The following GALNT18 variants were observed in gnomAD, a reference collection of about 807,000 sequenced individuals.
GALNT18 encodes GalNAc-transferase 18.
GALNT18 carries 44 observed loss-of-function variants against 69.5 expected under a neutral mutation model. That is an observed-to-expected ratio of 0.63 (90% confidence interval 0.50 to 0.81). The LOEUF (loss-of-function observed/expected upper bound fraction) is 0.81. GALNT18 is among the 40% of genes least tolerant of loss of function. The pLI, the probability that GALNT18 is intolerant of heterozygous loss-of-function variation, is 0.00. For missense variants in GALNT18, 715 were observed against 810.0 expected (o/e 0.88, Z 1.42); for synonymous variants, 364 against 318.2 (o/e 1.14, Z -1.53).
rs1378563221 is a variant in GALNT18, at chr11:11,494,923, G to A, written c.236-45987C>T. On this transcript the variant is annotated intron_variant, in intron 1 of 10. Transcript: ENST00000227756. The surrounding 1 kb of genome is among the most constrained non-coding windows in gnomAD (Gnocchi z 5.7). ...CCAAAGGAAAATGCAATAACATGGA[G>A]TTATAAGCCAATCACATGCTCTGTG... 6.6e-6 allele frequency among the ~76,000 whole-genome samples: 1 copy of A among 152,012 alleles called. No homozygotes were observed. Among genetic ancestry groups the A allele is most frequent in the Non-Finnish European group, 1.5e-5 (1 of 68,028 alleles).
chr11:11,281,074 C>G (rs546715501), intron 10 of GALNT18, among the ~76,000 whole-genome samples: 4 of 152,184 alleles, frequency 2.6e-5, no homozygotes, highest in Non-Finnish European at 4.4e-5. Flanking sequence ...CTGGCCCCAC[C>G]GCAGTCCTGC....
At chr11:11,521,180 G>A (rs1469303096) in intron 1 of GALNT18, among the ~76,000 whole-genome samples, 2 of 151,906 alleles carry the variant, frequency 1.3e-5, no homozygotes, top group African/African-American at 4.8e-5. Flanking sequence ...GCCCCATAAT[G>A]AGCCCTGAAT....
chr11:11,509,528 GCAT>G (rs2133911051), intron 1 of GALNT18, among the ~76,000 whole-genome samples: 1 of 152,330 alleles, frequency 6.6e-6, no homozygotes, highest in African/African-American at 2.4e-5. Flanking sequence ...CCCAGGCCTA[GCAT>G]CATGTGCTAT....
chr11:11,400,485 T>C (rs1370842789), intron 3 of GALNT18, among the ~76,000 whole-genome samples: 4 of 152,300 alleles, frequency 2.6e-5, no homozygotes, highest in African/African-American at 9.6e-5. Context: ...CTAACGAAGG[T>C]GTCTTTCTTT....
At chr11:11,322,691 G>C (rs1170900425) in intron 9 of GALNT18, among the ~76,000 whole-genome samples, 1 of 152,196 alleles carries the variant, frequency 6.6e-6, no homozygotes, top group Non-Finnish European at 1.5e-5. Context: ...ATATAAAGCT[G>C]GGAGAAGTAA....
intron 4 of GALNT18, among the ~76,000 whole-genome samples, chr11:11,378,867 G>A (rs1261015993): frequency 6.6e-6 from 1 of 152,150 alleles, no homozygotes; most frequent in Admixed American, 6.5e-5. Flanking sequence ...GTGCTGACCT[G>A]TTGACCCCTG....
chr11:11,577,204 C>G (rs1333377118), intron 1 of GALNT18, among the ~76,000 whole-genome samples: 1 of 152,166 alleles, frequency 6.6e-6, no homozygotes, highest in Non-Finnish European at 1.5e-5. Context: ...TCCAGGGGCT[C>G]AGTAATGGTA....
rs558997672 is a variant in GALNT18 at position 11,541,024 on chromosome 11, AAG to A, written c.235+80333_235+80334del. Among the ~76,000 whole-genome samples the A allele has an allele frequency of 7.9e-4, 120 of 152,296 alleles. 1 individual carries two copies. Among genetic ancestry groups the A allele is most frequent in the African/African-American group, 2.8e-3 (117 of 41,560 alleles). On this transcript the variant is annotated intron_variant, in intron 1 of 10. Transcript: ENST00000227756. This position sits in a 1 kb window ranked among gnomAD's most constrained non-coding sequence, Gnocchi z 4.8. ...CGGAAAACAGAAATAGAATTACTTA[AAG>A]TGATGCTCCCTTGCTCCTGTTAAAA...
Position 11,372,455 on chromosome 11 carries a change from C to A in GALNT18, c.1092+60G>T. 3 of 1,318,942 alleles carry A rather than the reference C, an allele frequency of 2.3e-6. No homozygotes were observed. The highest frequency in any genetic ancestry group is 4.6e-5 in the East Asian group (2 of 43,374). The allele number at this position is 1,318,942 out of a possible 1,614,324, so 81.7% of individuals were successfully genotyped here. ...ACCTTAAACCCCATTTCTCCACCCC[C>A]AGACTCATTCACCCTGGTGGGAGCT... On this transcript the variant is annotated intron_variant, in intron 6 of 10. Coordinates refer to ENST00000227756, the MANE Select transcript of GALNT18 (RefSeq NM_198516.3). This position sits in a 1 kb window ranked among gnomAD's most constrained non-coding sequence, Gnocchi z 4.9.
At chr11:11,548,777 T>C (rs1216905611) in intron 1 of GALNT18, among the ~76,000 whole-genome samples, 1 of 152,248 alleles carries the variant, frequency 6.6e-6, no homozygotes, top group Non-Finnish European at 1.5e-5. Flanking sequence ...AGGCAGTACA[T>C]GTAAATTCAA....
intron 10 of GALNT18, among the ~76,000 whole-genome samples, chr11:11,290,546 C>G (rs533920921): frequency 6.6e-6 from 1 of 152,220 alleles, no homozygotes. Context: ...CCCTGACTCC[C>G]GGCAGCTCCC....
chr11:11,323,006 T>C (rs1246264484), intron 9 of GALNT18, among the ~76,000 whole-genome samples: 1 of 152,228 alleles, frequency 6.6e-6, no homozygotes, highest in Non-Finnish European at 1.5e-5. Flanking sequence ...ACCACCCTTA[T>C]GACCTGACTT....
chr11:11,495,307 A>G (rs909677485), intron 1 of GALNT18, among the ~76,000 whole-genome samples: 5 of 152,172 alleles, frequency 3.3e-5, no homozygotes, highest in Non-Finnish European at 5.9e-5. Flanking sequence ...TTCCGAAGGT[A>G]CTTCTCAGAG....
At chr11:11,567,743 G>T (rs1278484987) in intron 1 of GALNT18, among the ~76,000 whole-genome samples, 1 of 152,178 alleles carries the variant, frequency 6.6e-6, no homozygotes, top group Non-Finnish European at 1.5e-5. Context: ...GGGAATCAAG[G>T]ATCTGACTTT....
At chr11:11,442,084 G>A (rs1038118184) in intron 2 of GALNT18, among the ~76,000 whole-genome samples, 1 of 152,148 alleles carries the variant, frequency 6.6e-6, no homozygotes, top group Admixed American at 6.5e-5. Flanking sequence ...GGCTGGAATC[G>A]GGGTGTGCAG....
chr11:11,421,409 T>C lies in GALNT18; in HGVS notation c.595+11212A>G, dbSNP rs1242127717. 6.6e-6 allele frequency among the ~76,000 whole-genome samples: 1 copy of C among 151,942 alleles called. No individual in the cohort carries two copies. Among genetic ancestry groups the C allele is most frequent in the Non-Finnish European group, 1.5e-5 (1 of 67,996 alleles). On this transcript the variant is annotated intron_variant, in intron 3 of 10. Transcript: ENST00000227756. This position sits in a 1 kb window ranked among gnomAD's most constrained non-coding sequence, Gnocchi z 5.6. ...GTGGGAAGTCCCAGCCCCCATGATG[T>C]AGGAAGCCAGGTGGATCGAACCGTG...
In GALNT18 at chr11:11,309,559, T is replaced by G. The variant is rs909888223; in HGVS notation, c.1513-16366A>C. Among the ~76,000 whole-genome samples, 10 of 152,094 alleles carry G rather than the reference T, an allele frequency of 6.6e-5. No individual in the cohort carries two copies. Among genetic ancestry groups the G allele is most frequent in the Admixed American group, 5.2e-4 (8 of 15,260 alleles). ...CCTTTTACACCCTGTAAACCCCACCTCTATAGCCTTGTTCACCTTCTCCAC... is the reference window on the plus strand; with the variant it reads ...CCTTTTACACCCTGTAAACCCCACCGCTATAGCCTTGTTCACCTTCTCCAC... On this transcript the variant is annotated intron_variant, in intron 9 of 10. Coordinates refer to ENST00000227756, the MANE Select transcript of GALNT18 (RefSeq NM_198516.3). This position sits in a 1 kb window ranked among gnomAD's most constrained non-coding sequence, Gnocchi z 4.6.
At chr11:11,457,656 T>A (rs542716929) in intron 1 of GALNT18, among the ~76,000 whole-genome samples, 15 of 152,358 alleles carry the variant, frequency 9.8e-5, no homozygotes, top group African/African-American at 3.6e-4. Flanking sequence ...CAAGCTAGTC[T>A]GTGCACTCTC....
intron 3 of GALNT18, among the ~76,000 whole-genome samples, chr11:11,390,367 C>A (rs574309697): frequency 6.6e-6 from 1 of 152,332 alleles, no homozygotes; most frequent in Non-Finnish European, 1.5e-5. Flanking sequence ...ACCTGCAGCT[C>A]TAGAAGGGGA....
Sources: gnomAD v4.1 joint callset for allele counts (sites outside exome capture counted in the v4.1 genomes callset) on GRCh38, gnomAD v4.1.1 for gene constraint, Gnocchi (gnomAD v3.1) non-coding constraint, MANE v1.5 for transcripts, NCBI Gene and HGNC (gene_info 2026-07-23, HGNC 2026-07-21) for gene names.